Variants in UFSP2 observed in about 807,000 individuals in gnomAD.
UFSP2 encodes the protein UFM1 specific peptidase 2, also known as ufm1-specific protease 2.
Under a neutral mutation model 60.2 loss-of-function variants are expected in UFSP2, and 43 were observed. The ratio of observed to expected loss-of-function variants is 0.71; its 90% CI spans 0.56 to 0.92. UFSP2 has a LOEUF of 0.92. Among genes scored for constraint, UFSP2 ranks in the 40% least tolerant of loss-of-function variants. UFSP2 has a pLI of 0.00. For missense variants in UFSP2, 520 were observed against 575.0 expected (o/e 0.90, Z 0.98); for synonymous variants, 183 against 195.1 (o/e 0.94, Z 0.52).
chr4:185,415,112 T>C (rs967230506), intron 6 of UFSP2, 43 bp downstream of exon 6: 3 of 1,426,512 alleles, frequency 2.1e-6, no homozygotes, highest in East Asian at 2.5e-5. Flanking sequence ...AAATGAATGA[T>C]AGTCATTATT....
intron 10 of UFSP2, among the ~76,000 whole-genome samples, chr4:185,405,485 T>TA (rs1554023026): frequency 6.6e-6 from 1 of 152,222 alleles, no homozygotes; most frequent in Non-Finnish European, 1.5e-5. Context: ...AGTCATGACT[T>TA]ACGAAGCTCA....
In UFSP2 at chr4:185,403,627, G is replaced by A. The variant is rs758888408; in HGVS notation, c.1199-9C>T. On this transcript the variant is annotated splice_polypyrimidine_tract_variant and intron_variant, in intron 10 of 11. Coordinates refer to ENST00000264689, the MANE Select transcript of UFSP2 (RefSeq NM_018359.5). ...GGCCAAAACTCCTCCCCCTATAGAA[G>A]AAAAAATAGGAAATACGAATGAAGG... is the stretch of plus-strand genomic sequence containing the variant. 1.9e-6 allele frequency: 3 copies of A among 1,593,188 alleles called. No homozygotes were observed. Among genetic ancestry groups the A allele is most frequent in the Non-Finnish European group, 2.6e-6 (3 of 1,174,608 alleles).
intron 7 of UFSP2, among the ~76,000 whole-genome samples, chr4:185,411,133 A>T (rs765742819): frequency 4.1e-5 from 6 of 146,858 alleles, no homozygotes; most frequent in Non-Finnish European, 6.1e-5. Context: ...TTTTTTTTTT[A>T]AAAGACACAA....
intron 7 of UFSP2, among the ~76,000 whole-genome samples, chr4:185,411,173 G>C (rs2095528731): frequency 1.3e-5 from 2 of 150,404 alleles, no homozygotes; most frequent in African/African-American, 4.9e-5. Context: ...GAATGAAAAA[G>C]AAAATATTAT....
chr4:185,425,048 G>T (rs542274451), intron 1 of UFSP2, among the ~76,000 whole-genome samples: 1 of 152,356 alleles, frequency 6.6e-6, no homozygotes, highest in South Asian at 2.1e-4. Flanking sequence ...GACTACCCCA[G>T]ATGGATAGAT....
intron 7 of UFSP2, among the ~76,000 whole-genome samples, chr4:185,409,879 A>G (rs1021656838): frequency 1.3e-5 from 2 of 152,138 alleles, no homozygotes; most frequent in Non-Finnish European, 2.9e-5. Flanking sequence ...TGGGGCCACA[A>G]ACCAAAGGAT....
intron 7 of UFSP2, among the ~76,000 whole-genome samples, chr4:185,409,777 T>C (rs1281018453): frequency 6.6e-6 from 1 of 152,170 alleles, no homozygotes; most frequent in East Asian, 1.9e-4. Flanking sequence ...TCCTGGATCC[T>C]AGTGTGCCCT....
In UFSP2 at chr4:185,415,778, G is replaced by C. The variant is rs760012087; in HGVS notation, c.423C>G (p.His141Gln). Reference protein sequence around the residue: ...TPIIERESGGHHYVNMTLPVD... With the variant: ...TPIIERESGGQHYVNMTLPVD... ...CAGGTAAAGTCATATTAACATAATGGTGTCCTCCGCTTTCCCTTTCAATGA... is the reference window on the plus strand; with the variant it reads ...CAGGTAAAGTCATATTAACATAATGCTGTCCTCCGCTTTCCCTTTCAATGA... Residue 141 changes from histidine to glutamine, a missense_variant, in exon 5 of 12, where the codon CAC becomes CAG. His to Gln is a conservative substitution (Grantham distance 24). Transcript: ENST00000264689. 1.2e-6 allele frequency: 2 copies of C among 1,613,606 alleles called. No homozygotes were observed. Among genetic ancestry groups the C allele is most frequent in the East Asian group, 4.5e-5 (2 of 44,884 alleles).
At chr4:185,413,918 T>C in intron 6 of UFSP2, 46 bp from the exon 7 acceptor site, 1 of 1,511,108 alleles carries the variant, frequency 6.6e-7, no homozygotes, top group Non-Finnish European at 8.9e-7. Context: ...TGTTGGTGAT[T>C]TAGATTCCTA....
intron 2 of UFSP2, among the ~76,000 whole-genome samples, chr4:185,420,002 A>G (rs556976875): frequency 6.6e-6 from 1 of 152,358 alleles, no homozygotes; most frequent in African/African-American, 2.4e-5. Flanking sequence ...TGTTTTCAGC[A>G]GCCGCACCAT....
chr4:185,406,362 T>C (rs2095520439), intron 9 of UFSP2, among the ~76,000 whole-genome samples: 1 of 152,164 alleles, frequency 6.6e-6, no homozygotes, highest in African/African-American at 2.4e-5. Context: ...CTGCAAAATG[T>C]TTTCAAGTGC....
chr4:185,416,988 A>T (rs1463544655), intron 4 of UFSP2, among the ~76,000 whole-genome samples: 1 of 152,216 alleles, frequency 6.6e-6, no homozygotes, highest in Non-Finnish European at 1.5e-5. Context: ...TCTGATGAGG[A>T]CTAAAGTAAG....
chr4:185,414,911 T>A (rs775161244), intron 6 of UFSP2, among the ~76,000 whole-genome samples: 6 of 152,170 alleles, frequency 3.9e-5, no homozygotes, highest in Non-Finnish European at 8.8e-5. Flanking sequence ...TCACAGAATA[T>A]ATGAACCACA....
chr4:185,425,894 C>A lies in UFSP2; in HGVS notation c.-26G>T, dbSNP rs1199572043. ...GTCCGCGACGTGGCGGTGACACGGG[C>A]GCTGACGCCTGCCCAAAAGTTCCGG... On this transcript the variant is annotated 5_prime_UTR_variant, in exon 1 of 12. Transcript: ENST00000264689. 1.3e-6 allele frequency: 2 copies of A among 1,594,610 alleles called. No individual in the cohort carries two copies. The highest frequency in any genetic ancestry group is 1.1e-5 in the South Asian group (1 of 88,228).
Position 185,405,838 on chromosome 4 carries a change from G to T in UFSP2, c.1140C>A (p.Ala380=). The stretch of plus-strand genomic sequence containing the variant: ...GATTAGCCAGTTCCCGTCCTTGAGA[G>T]GCAATTTCTGAACCTTGGCTAGAAA... The part of the protein sequence containing the change: ...ILFVSQGSEI[A]SQGRELANHF... Residue 380 remains alanine, a synonymous_variant, in exon 10 of 12, where the codon GCC becomes GCA. Coordinates refer to ENST00000264689, the MANE Select transcript of UFSP2 (RefSeq NM_018359.5). 6.2e-7 allele frequency: 1 copy of T among 1,614,022 alleles called. No individual in the cohort carries two copies. The highest frequency in any genetic ancestry group is 8.5e-7 in the Non-Finnish European group (1 of 1,179,988).
intron 2 of UFSP2, among the ~76,000 whole-genome samples, chr4:185,420,461 A>G (rs954781722): frequency 3.9e-5 from 6 of 152,144 alleles, no homozygotes; most frequent in African/African-American, 1.4e-4. Context: ...AACCTTGTAA[A>G]TATTTATTCA....
Position 185,399,568 on chromosome 4 carries a change from A to G in UFSP2, c.*824T>C. 6.2e-7 allele frequency: 1 copy of G among 1,614,084 alleles called. No individual in the cohort carries two copies. The highest frequency in any genetic ancestry group is 8.5e-7 in the Non-Finnish European group (1 of 1,179,944). Reference sequence around the variant, plus strand: ...TTCACTCCGTTTTTATCCTGTTTTCAGTTTATGTAATAAGAACGGGCAAAC... The same window carrying G: ...TTCACTCCGTTTTTATCCTGTTTTCGGTTTATGTAATAAGAACGGGCAAAC... On this transcript the variant is annotated 3_prime_UTR_variant, in exon 12 of 12. Coordinates refer to ENST00000264689, the MANE Select transcript of UFSP2 (RefSeq NM_018359.5).
chr4:185,410,684 C>A (rs572803422), intron 7 of UFSP2, among the ~76,000 whole-genome samples: 1 of 145,910 alleles, frequency 6.9e-6, no homozygotes. Context: ...CAGTGGCTCA[C>A]GCCTGTAATC....
In UFSP2 at chr4:185,399,877, T is replaced by G; in HGVS notation, c.*515A>C. The G allele has an allele frequency of 6.5e-7, 1 of 1,547,606 alleles. No homozygotes were observed. Among genetic ancestry groups the G allele is most frequent in the East Asian group, 2.3e-5 (1 of 43,122 alleles). On this transcript the variant is annotated 3_prime_UTR_variant, in exon 12 of 12. Coordinates refer to ENST00000264689, the MANE Select transcript of UFSP2 (RefSeq NM_018359.5). The stretch of plus-strand genomic sequence containing the variant: ...CTGACACTCGTATTTCTAGTAGTAT[T>G]GTTTCATTCTCATTAACATTTTAGT...
Sources: allele counts gnomAD v4.1 joint callset (sites outside exome capture counted in the v4.1 genomes callset), GRCh38; gene constraint gnomAD v4.1.1; transcripts MANE v1.5; gene names NCBI Gene and HGNC (gene_info 2026-07-23, HGNC 2026-07-21).